Variants in PLCL1 observed in about 807,000 individuals in gnomAD.
PLCL1 encodes inactive phospholipase C-like protein 1.
A neutral mutation model predicts 84.4 loss-of-function variants in PLCL1; 41 were observed. The observed-to-expected ratio is 0.49, with a 90% CI of 0.38 to 0.63. The LOEUF (loss-of-function observed/expected upper bound fraction) is 0.63. Among genes scored for constraint, PLCL1 ranks in the 30% least tolerant of loss-of-function variants. The pLI is 0.00. For synonymous variants in PLCL1, 490 were observed against 488.3 expected, an observed-to-expected ratio of 1.00 and a Z score of -0.05; for missense variants, 1,206 against 1,367.8, an observed-to-expected ratio of 0.88 and a Z score of 1.87.
At chr2:197,835,373 A>G (rs1691164003) in intron 1 of PLCL1, among the ~76,000 whole-genome samples, 1 of 152,198 alleles carries the variant, frequency 6.6e-6, no homozygotes, top group South Asian at 2.1e-4. Context: ...GTTTTGTGAC[A>G]TTTAGTATAT....
chr2:197,987,070 C>T lies in PLCL1; in HGVS notation c.241-96688C>T, dbSNP rs78342031. ...GTTATTTTGTCTGATGTTAACTCTC[C>T]GCCAAGTTTACTGAAAAATAGCTAA... On this transcript the variant is annotated intron_variant, in intron 1 of 5. Transcript: ENST00000428675. Among the ~76,000 whole-genome samples, 1,493 of 152,220 alleles carry T rather than the reference C, an allele frequency of 9.8e-3. 25 individuals carry two copies. Among genetic ancestry groups the T allele is most frequent in the African/African-American group, 0.033 (1,351 of 41,520 alleles).
At chr2:198,139,173 A>G (rs922711226) in intron 5 of PLCL1, among the ~76,000 whole-genome samples, 1 of 151,914 alleles carries the variant, frequency 6.6e-6, no homozygotes, top group Non-Finnish European at 1.5e-5. Context: ...AAAAAAAAAG[A>G]TTTGGCAGTT....
chr2:198,144,870 A>G (rs75641220), intron 5 of PLCL1, among the ~76,000 whole-genome samples: 2 of 152,292 alleles, frequency 1.3e-5, no homozygotes, highest in African/African-American at 2.4e-5. Flanking sequence ...CTTTGCTGTT[A>G]AAAGATGCCT....
At chr2:198,146,706 C>A in intron 5 of PLCL1, 74 bp from the exon 6 acceptor site, 1 of 1,275,178 alleles carries the variant, frequency 7.8e-7, no homozygotes, top group Non-Finnish European at 1.1e-6. Context: ...GCAGTAAGAA[C>A]ATAGAGTGAT....
chr2:198,103,786 G>C (rs776681597), intron 4 of PLCL1, 41 bp from the exon 5 acceptor site: 7 of 973,610 alleles, frequency 7.2e-6, no homozygotes, highest in Non-Finnish European at 1.1e-5. Flanking sequence ...CCATTTTTCT[G>C]AGATATATAC....
At position 198,144,242 on chromosome 2, in the gene PLCL1, A is replaced by G. The variant is rs78680739; in HGVS notation, c.3106-2538A>G. On this transcript the variant is annotated intron_variant, in intron 5 of 5. Transcript: ENST00000428675. ...GAAAGTTGCCAGTTTTGCTACTGCT[A>G]TGCTTTTAAAATTCTTGATGAAACT... Among the ~76,000 whole-genome samples the G allele has an allele frequency of 7.7e-3, 1,179 of 152,342 alleles. 16 individuals carry two copies. The highest frequency in any genetic ancestry group is 0.027 in the African/African-American group (1,127 of 41,590).
At chr2:197,869,516 G>C (rs937179907) in intron 1 of PLCL1, among the ~76,000 whole-genome samples, 1 of 151,994 alleles carries the variant, frequency 6.6e-6, no homozygotes, top group African/African-American at 2.4e-5. Context: ...GTTGATGTTC[G>C]ACTCATGCAG....
At chr2:197,989,336 T>C (rs1690288869) in intron 1 of PLCL1, among the ~76,000 whole-genome samples, 1 of 152,170 alleles carries the variant, frequency 6.6e-6, no homozygotes, top group African/African-American at 2.4e-5. Context: ...AAGCCCATGT[T>C]AAGTTAATGT....
chr2:197,818,951 G>C (rs191904570), intron 1 of PLCL1, among the ~76,000 whole-genome samples: 97 of 152,228 alleles, frequency 6.4e-4, no homozygotes, highest in African/African-American at 2.2e-3. Context: ...GTGAGGGATG[G>C]GAGGGAAAAG....
At chr2:198,023,943 C>T (rs529419276) in intron 1 of PLCL1, among the ~76,000 whole-genome samples, 60 of 152,264 alleles carry the variant, frequency 3.9e-4, no homozygotes, top group African/African-American at 1.3e-3. Context: ...AAGACACATG[C>T]ACACATATGT....
chr2:197,809,404 A>T (rs1690539441), intron 1 of PLCL1, among the ~76,000 whole-genome samples: 1 of 152,216 alleles, frequency 6.6e-6, no homozygotes, highest in Non-Finnish European at 1.5e-5. Flanking sequence ...AACAGCCCGA[A>T]CACGTGAGAT....
intron 1 of PLCL1, among the ~76,000 whole-genome samples, chr2:198,058,937 A>G (rs1307093229): frequency 1.3e-5 from 2 of 152,208 alleles, no homozygotes; most frequent in Non-Finnish European, 1.5e-5. Flanking sequence ...TTTTTCTTAA[A>G]GATTTCCAAG....
intron 1 of PLCL1, among the ~76,000 whole-genome samples, chr2:198,038,351 G>GT (rs370655238): frequency 1.4e-3 from 218 of 152,162 alleles, no homozygotes; most frequent in African/African-American, 4.7e-3. Context: ...CAACTTTATT[G>GT]TAAGTCTGTG....
At chr2:197,921,529 A>C (rs957414730) in intron 1 of PLCL1, among the ~76,000 whole-genome samples, 1 of 152,188 alleles carries the variant, frequency 6.6e-6, no homozygotes, top group African/African-American at 2.4e-5. Context: ...AAATGGATAA[A>C]AGTTCAAAAA....
rs572130478 is a variant in PLCL1, at chr2:197,990,375, G to A, written c.241-93383G>A. Among the ~76,000 whole-genome samples the A allele has an allele frequency of 1.2e-4, 19 of 152,232 alleles. No individual in the cohort carries two copies. The South Asian group carries it at 3.9e-3, about 32-fold the overall frequency. ...TACAAACATACACCTCAGGACAAAA[G>A]GAAAGCTAACCTAATATGACTGGAA... is the stretch of plus-strand genomic sequence containing the variant. On this transcript the variant is annotated intron_variant, in intron 1 of 5. Coordinates refer to ENST00000428675, the MANE Select transcript of PLCL1 (RefSeq NM_006226.4).
chr2:198,111,221 A>T (rs1693613710), intron 5 of PLCL1, among the ~76,000 whole-genome samples: 1 of 151,886 alleles, frequency 6.6e-6, no homozygotes, highest in Non-Finnish European at 1.5e-5. Flanking sequence ...TGTCCATCAC[A>T]GGTAAGTAAT....
chr2:197,985,695 G>A lies in PLCL1; in HGVS notation c.241-98063G>A, dbSNP rs1176188678. On this transcript the variant is annotated intron_variant, in intron 1 of 5. Coordinates refer to ENST00000428675, the MANE Select transcript of PLCL1 (RefSeq NM_006226.4). ...TCTGTGTTTGCTTTCATGCTATCAT[G>A]GCAGATTAGTTGTGGCACAGACCTT... Among the ~76,000 whole-genome samples the A allele has an allele frequency of 1.3e-5, 2 of 152,090 alleles. 1 individual carries two copies. Among genetic ancestry groups the A allele is most frequent in the Middle Eastern group, 6.4e-3 (2 of 314 alleles).
chr2:198,089,454 A>AT (rs974518689), intron 3 of PLCL1, among the ~76,000 whole-genome samples: 7 of 152,134 alleles, frequency 4.6e-5, no homozygotes, highest in African/African-American at 1.7e-4. Context: ...TAGAATCTAT[A>AT]TTTTTCAGCT....
chr2:198,012,056 C>CAGA (rs60965676), intron 1 of PLCL1, among the ~76,000 whole-genome samples: 27,958 of 151,926 alleles, frequency 0.18, 2,620 homozygotes, highest in East Asian at 0.26. Context: ...TTGTATGAGA[C>CAGA]AGAACACTCA....
Sources: gnomAD v4.1 joint callset for allele counts (sites outside exome capture counted in the v4.1 genomes callset) on GRCh38, gnomAD v4.1.1 for gene constraint, MANE v1.5 for transcripts, NCBI Gene and HGNC (gene_info 2026-07-23, HGNC 2026-07-21) for gene names.